ROBO2: variants seen among roughly 807,000 people sequenced by gnomAD.
The protein encoded by ROBO2 is roundabout homolog 2.
A neutral mutation model predicts 160.8 loss-of-function variants in ROBO2; 53 were observed. The ratio of observed to expected loss-of-function variants is 0.33; its 90% CI spans 0.26 to 0.41. The LOEUF is 0.41. Ranked by LOEUF, ROBO2 falls within the 10% of genes least tolerant of loss-of-function variation. The pLI is 1.00. For missense variants in ROBO2, 1,577 were observed against 1,722.4 expected, an observed-to-expected ratio of 0.92 and a Z score of 1.49; for synonymous variants, 664 against 611.7, an observed-to-expected ratio of 1.09 and a Z score of -1.26.
At chr3:76,092,558 C>G (rs1307362909) in intron 2 of ROBO2, among the ~76,000 whole-genome samples, 2 of 152,190 alleles carry the variant, frequency 1.3e-5, no homozygotes, top group African/African-American at 4.8e-5. Flanking sequence ...CATCTCTTCT[C>G]TACTAGGATC....
At chr3:76,181,835 G>C (rs537053235) in intron 2 of ROBO2, among the ~76,000 whole-genome samples, 2 of 152,104 alleles carry the variant, frequency 1.3e-5, no homozygotes, top group Admixed American at 6.6e-5. Flanking sequence ...TCTGTAGAGG[G>C]AGTATGTTCA....
At position 77,002,949 on chromosome 3, in the gene ROBO2, GTAAT is replaced by G. The variant is rs1324028404; in HGVS notation, c.110-95061_110-95058del. ...CTGACCATATGTCTAGAAATACACTGTAATTAAGGCAGATCAGAAATCTCCCTAA... is the reference window on the plus strand; with the variant it reads ...CTGACCATATGTCTAGAAATACACTGTAAGGCAGATCAGAAATCTCCCTAA... On this transcript the variant is annotated intron_variant, in intron 2 of 26. Coordinates refer to the ROBO2 transcript ENST00000487694. Among the ~76,000 whole-genome samples, 14 of 150,580 alleles carry G rather than the reference GTAAT, an allele frequency of 9.3e-5. 1 individual carries two copies. The East Asian group carries it at 2.8e-3, about 30-fold the overall frequency.
chr3:76,254,012 T>A (rs1706202356), intron 2 of ROBO2, among the ~76,000 whole-genome samples: 2 of 152,084 alleles, frequency 1.3e-5, no homozygotes. Context: ...TAGCAATACA[T>A]AAATCATTAA....
chr3:76,332,774 G>C (rs190555010), intron 2 of ROBO2, among the ~76,000 whole-genome samples: 1 of 151,984 alleles, frequency 6.6e-6, no homozygotes, highest in Admixed American at 6.6e-5. Context: ...AATATATTTA[G>C]TGCATTCCAG....
chr3:76,750,146 C>A (rs1034453948), intron 2 of ROBO2, among the ~76,000 whole-genome samples: 1 of 151,850 alleles, frequency 6.6e-6, no homozygotes, highest in African/African-American at 2.4e-5. Flanking sequence ...GTTCAACATA[C>A]AAAAATCATT....
rs563357437 is a variant in ROBO2 at position 77,402,151 on chromosome 3, C to G, written c.389-75263C>G. ...GCAGGGATATGGATGAACCTGGAAA[C>G]CATTATTCTCAGCAAACTAACACAG... On this transcript the variant is annotated intron_variant, in intron 2 of 25. Coordinates refer to ENST00000461745, the Ensembl canonical transcript of ROBO2. 1.9e-4 allele frequency among the ~76,000 whole-genome samples: 29 copies of G among 149,508 alleles called. No individual in the cohort carries two copies. The South Asian group carries it at 2.9e-3, about 15-fold the overall frequency.
At chr3:77,183,984 A>G (rs2081048074) in intron 2 of ROBO2, among the ~76,000 whole-genome samples, 1 of 152,046 alleles carries the variant, frequency 6.6e-6, no homozygotes, top group Non-Finnish European at 1.5e-5. Context: ...ATATGAGCTT[A>G]GTATCTTTTC....
intron 2 of ROBO2, among the ~76,000 whole-genome samples, chr3:77,274,534 C>T (rs909636240): frequency 6.6e-6 from 1 of 152,004 alleles, no homozygotes; most frequent in Admixed American, 6.6e-5. Flanking sequence ...GCAGCATGGA[C>T]GGTTGCCTAA....
chr3:76,677,180 C>T (rs985971100), intron 2 of ROBO2, among the ~76,000 whole-genome samples: 2 of 151,202 alleles, frequency 1.3e-5, no homozygotes, highest in Admixed American at 6.6e-5. Flanking sequence ...AACAGTGTAC[C>T]CAGGGGAAAT....
rs140249693 is a variant in ROBO2, at chr3:76,839,541, T to G, written c.110-258473T>G. The stretch of plus-strand genomic sequence containing the variant: ...CATTTGGTCATGATAAATGATCTTT[T>G]TAGTGTATTGTCGAATTCATTATGC... On this transcript the variant is annotated intron_variant, in intron 2 of 26. Transcript: ENST00000487694. Among the ~76,000 whole-genome samples the G allele has an allele frequency of 1.9e-3, 291 of 152,334 alleles. 2 individuals are homozygous for G. Among genetic ancestry groups the G allele is most frequent in the Middle Eastern group, 3.4e-3 (1 of 294 alleles).
chr3:76,592,224 C>T (rs2086458048), intron 2 of ROBO2, among the ~76,000 whole-genome samples: 1 of 151,996 alleles, frequency 6.6e-6, no homozygotes, highest in Admixed American at 6.6e-5. Context: ...GTCCTTGAAA[C>T]ATTGAATGTA....
chr3:77,385,327 CCCAAA>C (rs1340745829), intron 2 of ROBO2, among the ~76,000 whole-genome samples: 2 of 152,118 alleles, frequency 1.3e-5, no homozygotes, highest in East Asian at 1.9e-4. Flanking sequence ...CCGCACCTGG[CCCAAA>C]TATGGAGTTT....
chr3:76,506,301 T>A (rs1203325491), intron 2 of ROBO2, among the ~76,000 whole-genome samples: 1 of 152,342 alleles, frequency 6.6e-6, no homozygotes, highest in Non-Finnish European at 1.5e-5. Context: ...AAGTGTCCTG[T>A]GAGGGCTGCT....
intron 2 of ROBO2, among the ~76,000 whole-genome samples, chr3:77,428,371 C>G (rs1021937188): frequency 2.1e-5 from 2 of 93,488 alleles, no homozygotes; most frequent in African/African-American, 5.1e-5. Context: ...TTTTTTGAGA[C>G]GGAGTCTCGC....
At chr3:76,304,354 T>C (rs2107751040) in intron 2 of ROBO2, among the ~76,000 whole-genome samples, 1 of 152,332 alleles carries the variant, frequency 6.6e-6, no homozygotes, top group East Asian at 1.9e-4. Flanking sequence ...CAGATCTGTA[T>C]TTTGGCTTGC....
At chr3:76,829,669 CTT>C (rs1381411128) in intron 2 of ROBO2, among the ~76,000 whole-genome samples, 1 of 134,264 alleles carries the variant, frequency 7.4e-6, no homozygotes, top group South Asian at 2.5e-4. Flanking sequence ...CTTTTTTTTT[CTT>C]TTTCTTTTTT....
chr3:76,326,535 A>C (rs1576445259), intron 2 of ROBO2, among the ~76,000 whole-genome samples: 1 of 152,258 alleles, frequency 6.6e-6, no homozygotes, highest in East Asian at 1.9e-4. Context: ...TACATTGCAT[A>C]ATGCATATAT....
chr3:76,869,647 C>A (rs2071812298), intron 2 of ROBO2, among the ~76,000 whole-genome samples: 1 of 152,004 alleles, frequency 6.6e-6, no homozygotes, highest in South Asian at 2.1e-4. Flanking sequence ...CCGCGCCCGG[C>A]CGATCTTTTT....
At chr3:77,175,260 C>G (rs1282110152) in intron 2 of ROBO2, among the ~76,000 whole-genome samples, 1 of 152,056 alleles carries the variant, frequency 6.6e-6, no homozygotes, top group Non-Finnish European at 1.5e-5. Context: ...CCACATAGTA[C>G]TTGCATATAT....
Sources: allele counts gnomAD v4.1 joint callset (sites outside exome capture counted in the v4.1 genomes callset), GRCh38; gene constraint gnomAD v4.1.1; transcripts MANE v1.5; gene names NCBI Gene and HGNC (gene_info 2026-07-23, HGNC 2026-07-21).